CSPP1: variants seen among roughly 807,000 people sequenced by gnomAD.
CSPP1 encodes centrosome and spindle pole associated protein 1.
In CSPP1, 126 loss-of-function variants were observed where a neutral mutation model predicts 164.4. The observed-to-expected ratio is 0.77, with a 90% CI of 0.66 to 0.89. The LOEUF is 0.89. Ranked by LOEUF, CSPP1 falls within the 40% of genes least tolerant of loss-of-function variation. CSPP1 has a pLI of 0.00. For synonymous variants in CSPP1, 472 were observed against 476.7 expected, an observed-to-expected ratio of 0.99 and a Z score of 0.13; for missense variants, 1,395 against 1,449.8, an observed-to-expected ratio of 0.96 and a Z score of 0.61.
intron 9 of CSPP1, among the ~76,000 whole-genome samples, chr8:67,110,110 A>G (rs763304665): frequency 1.3e-5 from 2 of 151,948 alleles, no homozygotes; most frequent in Non-Finnish European, 2.9e-5. Context: ...TAATTAGACA[A>G]AGAACAAAGA....
chr8:67,090,926 G>A (rs1811479740), intron 4 of CSPP1, among the ~76,000 whole-genome samples: 2 of 152,178 alleles, frequency 1.3e-5, no homozygotes, highest in Admixed American at 1.3e-4. Flanking sequence ...CAAGGAAACT[G>A]AAATGAAGTG....
chr8:67,187,581 G>T (rs553723287), intron 28 of CSPP1, among the ~76,000 whole-genome samples: 1 of 152,212 alleles, frequency 6.6e-6, no homozygotes, highest in South Asian at 2.1e-4. Flanking sequence ...CTATTTGGGA[G>T]GCTGAGGTGG....
At chr8:67,194,792 ATCAATCAGAT>A (rs1287666624) in intron 30 of CSPP1, among the ~76,000 whole-genome samples, 2 of 152,156 alleles carry the variant, frequency 1.3e-5, no homozygotes, top group Non-Finnish European at 2.9e-5. Flanking sequence ...GTTGCGTACA[ATCAATCAGAT>A]TCAATTAAAG....
At chr8:67,138,781 G>T (rs974394031) in intron 17 of CSPP1, among the ~76,000 whole-genome samples, 3 of 152,302 alleles carry the variant, frequency 2.0e-5, no homozygotes, top group Non-Finnish European at 2.9e-5. Context: ...CCATGCAGAA[G>T]CTCTTTAGTT....
At chr8:67,122,891 T>C (rs1324236955) in intron 15 of CSPP1, among the ~76,000 whole-genome samples, 1 of 151,930 alleles carries the variant, frequency 6.6e-6, no homozygotes, top group African/African-American at 2.4e-5. Flanking sequence ...TGTGTGTGTG[T>C]GTGTTTGTGT....
rs1293407011 is a variant in CSPP1 at position 67,196,153 on chromosome 8, A to ACAT, written c.*565_*567dup. 2 of 152,272 alleles carry ACAT rather than the reference A, an allele frequency of 1.3e-5. No individual in the cohort carries two copies. The highest frequency in any genetic ancestry group is 3.8e-4 in the East Asian group (2 of 5,196). The allele number at this position is 152,272 out of a possible 1,614,324, so 9.4% of individuals were successfully genotyped here. ...GTAAGCCATACGTTAAATGTTTGTT[A>ACAT]CATCATCTTTCTGCTTCTATTTTTA... On this transcript the variant is annotated 3_prime_UTR_variant, in exon 31 of 31. Transcript: ENST00000678616.
chr8:67,120,357 A>C (rs1306687217), intron 15 of CSPP1, among the ~76,000 whole-genome samples: 1 of 152,170 alleles, frequency 6.6e-6, no homozygotes, highest in Non-Finnish European at 1.5e-5. Context: ...ATCCCTGGAG[A>C]TTCCATATGA....
At chr8:67,130,076 C>T (rs1820895650) in intron 15 of CSPP1, among the ~76,000 whole-genome samples, 1 of 152,098 alleles carries the variant, frequency 6.6e-6, no homozygotes, top group Admixed American at 6.5e-5. Context: ...ATGTGAAACC[C>T]ATGTATGTGG....
chr8:67,112,599 G>A (rs116725197), intron 10 of CSPP1, among the ~76,000 whole-genome samples: 2,624 of 151,944 alleles, frequency 0.017, 67 homozygotes, highest in African/African-American at 0.059. Context: ...CACTTCATAC[G>A]AGGCCCCCTC....
intron 27 of CSPP1, 76 bp downstream of exon 27, chr8:67,177,802 T>A: frequency 9.8e-7 from 1 of 1,023,916 alleles, no homozygotes; most frequent in Non-Finnish European, 1.5e-6. Flanking sequence ...GATCAAGTAA[T>A]TCAAATTTTG....
intron 16 of CSPP1, chr8:67,135,604 T>C (rs1210015073): frequency 6.6e-6 from 1 of 152,270 alleles, no homozygotes; most frequent in Non-Finnish European, 1.5e-5. Flanking sequence ...TGGTTTAGGC[T>C]TTGGCTTAAG....
At chr8:67,120,381 T>C (rs1586265906) in intron 15 of CSPP1, among the ~76,000 whole-genome samples, 1 of 152,276 alleles carries the variant, frequency 6.6e-6, no homozygotes, top group Middle Eastern at 3.4e-3. Context: ...ATGGGATGAG[T>C]TTTTCTATTT....
chr8:67,087,940 A>G (rs1314525392), intron 4 of CSPP1, among the ~76,000 whole-genome samples: 1 of 152,084 alleles, frequency 6.6e-6, no homozygotes, highest in Non-Finnish European at 1.5e-5. Context: ...CCTCCAAGCT[A>G]TTTTCCAGAA....
rs1025785192 is a variant in CSPP1, at chr8:67,161,916, G to A, written c.2643+1G>A. On this transcript the variant is annotated splice_donor_variant, in intron 22 of 30. Coordinates refer to ENST00000678616, the MANE Select transcript of CSPP1 (RefSeq NM_001382391.1). LOFTEE classifies it high-confidence loss of function. ...CAGCATCATACGTTCCTTTATTCAT[G>A]TATGTACTTTTGTTTTTATTTGTTC... is the stretch of plus-strand genomic sequence containing the variant. 1 of 1,577,058 alleles carries A rather than the reference G, an allele frequency of 6.3e-7. No homozygotes were observed.
At chr8:67,159,892 C>T (rs1212127294) in intron 21 of CSPP1, among the ~76,000 whole-genome samples, 1 of 66,298 alleles carries the variant, frequency 1.5e-5, no homozygotes, top group African/African-American at 7.3e-5. Flanking sequence ...TTCTTTCTTT[C>T]TTTCTTTCTT....
At chr8:67,067,245 A>G (rs1455468490) in intron 1 of CSPP1, among the ~76,000 whole-genome samples, 1 of 152,098 alleles carries the variant, frequency 6.6e-6, no homozygotes, top group Non-Finnish European at 1.5e-5. Context: ...AATTGGGCAA[A>G]CTCAGTTTTA....
At chr8:67,153,997 A>T (rs918690950) in intron 18 of CSPP1, 27 bp from the exon 19 acceptor site, 2 of 1,074,876 alleles carry the variant, frequency 1.9e-6, no homozygotes, top group Non-Finnish European at 2.9e-6. Flanking sequence ...GGCTAATAGT[A>T]TGTTTTTGCA....
intron 19 of CSPP1, among the ~76,000 whole-genome samples, chr8:67,157,228 ATGT>A (rs747138315): frequency 3.9e-5 from 6 of 152,232 alleles, no homozygotes; most frequent in Non-Finnish European, 8.8e-5. Context: ...ATATTTAATA[ATGT>A]TGTGAGAAAG....
rs1040966841 is a variant in CSPP1, at chr8:67,166,258, G to T, written c.2828+1750G>T. Among the ~76,000 whole-genome samples, 7 of 152,294 alleles carry T rather than the reference G, an allele frequency of 4.6e-5. No homozygotes were observed. In the South Asian group the frequency reaches 1.4e-3, roughly 32 times the overall value. ...GAGAATGTATTTAGAAACCAGATAA[G>T]CTGGGTCTGCTTATTGCTGGGTGTC... On this transcript the variant is annotated intron_variant, in intron 24 of 30. Coordinates refer to ENST00000678616, the MANE Select transcript of CSPP1 (RefSeq NM_001382391.1).
Sources: allele counts gnomAD v4.1 joint callset (sites outside exome capture counted in the v4.1 genomes callset), GRCh38; gene constraint gnomAD v4.1.1; transcripts MANE v1.5; gene names NCBI Gene and HGNC (gene_info 2026-07-23, HGNC 2026-07-21).